Variants in C1QTNF3 observed in about 807,000 individuals in gnomAD.
C1QTNF3 encodes the protein complement C1q tumor necrosis factor-related protein 3.
A neutral mutation model predicts 32.6 loss-of-function variants in C1QTNF3; 26 were observed. The observed-to-expected ratio is 0.80, with a 90% CI of 0.58 to 1.11. The LOEUF is 1.11. Ranked by LOEUF, C1QTNF3 falls within the 50% of genes least tolerant of loss-of-function variation. The pLI is 0.00. For synonymous variants in C1QTNF3, 155 were observed against 146.0 expected (o/e 1.06, Z -0.44); for missense variants, 362 against 398.2 (o/e 0.91, Z 0.77).
chr5:34,077,174 T>C, the C1QTNF3 span, among the ~76,000 whole-genome samples: 1 of 151,802 alleles, frequency 6.6e-6, no homozygotes, highest in Non-Finnish European at 1.5e-5. Context: ...TCTTTCCTTT[T>C]AATGTTACAC....
In C1QTNF3 at chr5:34,018,788, A is replaced by G. The variant is rs768397956; in HGVS notation, c.*1795T>C. Among the ~76,000 whole-genome samples the G allele has an allele frequency of 1.2e-4, 19 of 152,204 alleles. No individual in the cohort carries two copies. Among genetic ancestry groups the G allele is most frequent in the Non-Finnish European group, 2.4e-4 (16 of 68,034 alleles). On this transcript the variant is annotated 3_prime_UTR_variant, in exon 6 of 6. Transcript: ENST00000382065. ...GTTCTACACCATATTACATCCCTGA[A>G]GCAAGCAGAAACTCAAGTGCTTCGT...
At chr5:34,060,375 G>A in the C1QTNF3 span, among the ~76,000 whole-genome samples, 2 of 152,130 alleles carry the variant, frequency 1.3e-5, no homozygotes, top group South Asian at 4.1e-4. Flanking sequence ...CCTGTAGCAG[G>A]TTACTGTAGT....
At chr5:34,161,539 A>G in the C1QTNF3 span, among the ~76,000 whole-genome samples, 15 of 152,198 alleles carry the variant, frequency 9.9e-5, no homozygotes, top group African/African-American at 2.7e-4. Flanking sequence ...TCAAATATGT[A>G]TATTAGCAGT....
chr5:34,196,660 A>ATTTT, the C1QTNF3 span, among the ~76,000 whole-genome samples: 14,577 of 139,994 alleles, frequency 0.1, 41 homozygotes, highest in African/African-American at 0.23. Context: ...TTAATTTTTA[A>ATTTT]TTTTTTTTTT....
At chr5:34,072,349 T>C in the C1QTNF3 span, among the ~76,000 whole-genome samples, 29 of 106,112 alleles carry the variant, frequency 2.7e-4, no homozygotes, top group African/African-American at 9.5e-4. Context: ...AAACAGTACC[T>C]AGCAGAAAAT....
the C1QTNF3 span, among the ~76,000 whole-genome samples, chr5:34,189,730 C>T: frequency 5.9e-5 from 9 of 152,016 alleles, no homozygotes; most frequent in South Asian, 2.1e-4. Flanking sequence ...GGGCCAAGGC[C>T]GAGGACCTGC....
At chr5:34,144,131 A>G in the C1QTNF3 span, among the ~76,000 whole-genome samples, 1 of 152,216 alleles carries the variant, frequency 6.6e-6, no homozygotes, top group Non-Finnish European at 1.5e-5. Context: ...CTATTCTTGT[A>G]TCAGATAAAA....
the C1QTNF3 span, among the ~76,000 whole-genome samples, chr5:34,161,401 C>T: frequency 2.0e-5 from 3 of 151,830 alleles, no homozygotes; most frequent in Admixed American, 2.0e-4. Flanking sequence ...AATGCAAATT[C>T]TTAGCATGGT....
rs116000195 is a variant in C1QTNF3 at position 34,029,816 on chromosome 5, A to G, written c.571-933T>C. On this transcript the variant is annotated intron_variant, in intron 3 of 5. Transcript: ENST00000382065. ...AAGCTATAGGATTGTATTTATTTAT[A>G]TGAACAGACATTTAGGATAGATTGT... is the stretch of plus-strand genomic sequence containing the variant. Among the ~76,000 whole-genome samples, 1,247 of 152,352 alleles carry G rather than the reference A, an allele frequency of 8.2e-3. 12 individuals carry two copies. Among genetic ancestry groups the G allele is most frequent in the Admixed American group, 0.012 (177 of 15,300 alleles).
At chr5:34,101,247 C>A in the C1QTNF3 span, among the ~76,000 whole-genome samples, 2 of 148,950 alleles carry the variant, frequency 1.3e-5, no homozygotes, top group African/African-American at 4.9e-5. Flanking sequence ...TTCTTTGGTC[C>A]TTTTTAGGTG....
chr5:34,222,293 A>C, the C1QTNF3 span, among the ~76,000 whole-genome samples: 2 of 152,124 alleles, frequency 1.3e-5, no homozygotes, highest in East Asian at 1.9e-4. Context: ...TTCTCCTATG[A>C]TTACATATTC....
the C1QTNF3 span, among the ~76,000 whole-genome samples, chr5:34,212,810 C>G: frequency 0.08 from 12,009 of 149,402 alleles, 1,159 homozygotes; most frequent in African/African-American, 0.23. Context: ...GTTGGTGGGA[C>G]TGTAAACTAG....
At chr5:34,055,887 C>T in the C1QTNF3 span, among the ~76,000 whole-genome samples, 1,532 of 152,306 alleles carry the variant, frequency 0.01, 26 homozygotes, top group African/African-American at 0.035. Flanking sequence ...CAGCTGGGGA[C>T]AGCTGCTCAG....
the C1QTNF3 span, among the ~76,000 whole-genome samples, chr5:34,072,650 T>C: frequency 6.6e-6 from 1 of 152,184 alleles, no homozygotes; most frequent in Non-Finnish European, 1.5e-5. Flanking sequence ...TGAGACTTAA[T>C]TTCAGGTAAA....
At chr5:34,218,388 G>T in the C1QTNF3 span, 1 of 151,412 alleles carries the variant, frequency 6.6e-6, no homozygotes, top group Non-Finnish European at 1.5e-5. Context: ...CTACACCAAA[G>T]AAGCAGAACC....
chr5:34,060,312 G>A, the C1QTNF3 span, among the ~76,000 whole-genome samples: 27 of 152,096 alleles, frequency 1.8e-4, no homozygotes, highest in African/African-American at 5.1e-4. Flanking sequence ...AGATGGTATC[G>A]CCTACTACAC....
At chr5:34,170,907 A>G in the C1QTNF3 span, among the ~76,000 whole-genome samples, 1 of 152,124 alleles carries the variant, frequency 6.6e-6, no homozygotes, top group East Asian at 1.9e-4. Context: ...TTTTTCTGAT[A>G]GTTTATATTC....
At chr5:34,143,368 G>A in the C1QTNF3 span, among the ~76,000 whole-genome samples, 1 of 152,272 alleles carries the variant, frequency 6.6e-6, no homozygotes, top group East Asian at 1.9e-4. Context: ...TGAGGACATA[G>A]GCCATGAAAA....
the C1QTNF3 span, among the ~76,000 whole-genome samples, chr5:34,141,984 G>C: frequency 8.5e-5 from 13 of 152,050 alleles, no homozygotes; most frequent in African/African-American, 3.1e-4. Context: ...CTCAAGCAGG[G>C]GAGGAGCCTA....
Sources: gnomAD v4.1 joint callset for allele counts (sites outside exome capture counted in the v4.1 genomes callset) on GRCh38, gnomAD v4.1.1 for gene constraint, MANE v1.5 for transcripts, NCBI Gene and HGNC (gene_info 2026-07-23, HGNC 2026-07-21) for gene names.